The following PREX1 variants were observed in gnomAD, a reference collection of about 807,000 sequenced individuals.
The protein encoded by PREX1 is phosphatidylinositol-3,4,5-trisphosphate dependent Rac exchange factor 1, also known as phosphatidylinositol 3,4,5-trisphosphate-dependent Rac exchanger 1 protein.
Under a neutral mutation model 198.3 loss-of-function variants are expected in PREX1, and 41 were observed. That is an observed-to-expected ratio of 0.21 (90% CI 0.16 to 0.27). PREX1 has a LOEUF of 0.27. Among genes scored for constraint, PREX1 ranks in the 10% least tolerant of loss-of-function variants. The probability of loss-of-function intolerance (pLI) is 1.00; values close to 1 mark genes in which losing one functional copy is unlikely to be tolerated. For synonymous variants in PREX1, 843 were observed against 887.2 expected, an observed-to-expected ratio of 0.95 and a Z score of 0.89; for missense variants, 1,620 against 2,200.7, an observed-to-expected ratio of 0.74 and a Z score of 5.28.
At chr20:48,752,375 A>T (rs1419557099) in intron 1 of PREX1, among the ~76,000 whole-genome samples, 1 of 152,204 alleles carries the variant, frequency 6.6e-6, no homozygotes, top group Non-Finnish European at 1.5e-5. Flanking sequence ...ACTCAACATC[A>T]TGTCTTCCAC....
chr20:48,722,668 C>T (rs867204628), intron 5 of PREX1, among the ~76,000 whole-genome samples: 3 of 152,172 alleles, frequency 2.0e-5, no homozygotes, highest in Non-Finnish European at 1.5e-5. Flanking sequence ...TCAGAGGCCC[C>T]GGAGATGAGG....
chr20:48,784,537 C>G (rs762534611), intron 1 of PREX1, among the ~76,000 whole-genome samples: 1 of 152,172 alleles, frequency 6.6e-6, no homozygotes, highest in Non-Finnish European at 1.5e-5. Flanking sequence ...GAGTTCTCAG[C>G]AGCAGGCCTC....
intron 3 of PREX1, among the ~76,000 whole-genome samples, chr20:48,737,798 T>C (rs1384972753): frequency 6.6e-6 from 1 of 152,130 alleles, no homozygotes; most frequent in African/African-American, 2.4e-5. Context: ...GCCCCTCCCA[T>C]TCTCCAAGAG....
intron 1 of PREX1, among the ~76,000 whole-genome samples, chr20:48,765,924 G>A (rs1396153868): frequency 1.3e-5 from 2 of 152,072 alleles, no homozygotes; most frequent in African/African-American, 2.4e-5. Context: ...CCTGAGCTCC[G>A]CCTCCTGTCA....
chr20:48,881,382 G>A, the PREX1 span, among the ~76,000 whole-genome samples: 2 of 151,882 alleles, frequency 1.3e-5, no homozygotes, highest in African/African-American at 4.8e-5. Context: ...TTGACAGGTG[G>A]TTTTTATCAT....
intron 4 of PREX1, among the ~76,000 whole-genome samples, chr20:48,731,852 G>A (rs185118840): frequency 6.6e-6 from 1 of 152,340 alleles, no homozygotes; most frequent in Admixed American, 6.5e-5. Flanking sequence ...CTTGAGATAG[G>A]AAGGAAAGAA....
intron 10 of PREX1, among the ~76,000 whole-genome samples, chr20:48,685,566 C>G (rs1019527192): frequency 6.6e-6 from 1 of 152,192 alleles, no homozygotes; most frequent in South Asian, 2.1e-4. Flanking sequence ...CAATGTCACA[C>G]AGCTAGAAAG....
At chr20:48,787,375 A>AG (rs1323098221) in intron 1 of PREX1, among the ~76,000 whole-genome samples, 2 of 147,474 alleles carry the variant, frequency 1.4e-5, no homozygotes. Context: ...TAAACAAACA[A>AG]AAAAAAAAAA....
At chr20:48,642,643 A>G in intron 27 of PREX1, 154 bp from the exon 28 acceptor site, 4 of 636,484 alleles carry the variant, frequency 6.3e-6, no homozygotes, top group Admixed American at 3.1e-5. Flanking sequence ...GCCACAGGGC[A>G]AATCACCTGA....
Position 48,723,862 on chromosome 20 carries a change from C to T in PREX1, c.621+2428G>A, listed in dbSNP as rs576158252. ...GAGTCCACCGTACACACAGGTCCAG[C>T]GACACCATGTGTTAAAATATGTCAC... On this transcript the variant is annotated intron_variant, in intron 5 of 39. Coordinates refer to ENST00000371941, the MANE Select transcript of PREX1 (RefSeq NM_020820.4). Among the ~76,000 whole-genome samples, 77 of 152,290 alleles carry T rather than the reference C, an allele frequency of 5.1e-4. 1 individual carries two copies. The highest frequency in any genetic ancestry group is 1.8e-3 in the African/African-American group (74 of 41,542).
chr20:48,882,915 C>A, the PREX1 span, among the ~76,000 whole-genome samples: 7 of 146,750 alleles, frequency 4.8e-5, no homozygotes, highest in African/African-American at 1.5e-4. Flanking sequence ...TTTGTCCATC[C>A]TTCAGTTGGG....
At chr20:48,692,511 C>T (rs1416249785) in intron 8 of PREX1, 161 bp downstream of exon 8, 2 of 568,080 alleles carry the variant, frequency 3.5e-6, no homozygotes, top group African/African-American at 3.7e-5. Context: ...GAATGCTAAC[C>T]ACCCAGATGT....
chr20:48,627,161 A>C (rs2089278815), intron 39 of PREX1, among the ~76,000 whole-genome samples: 1 of 141,810 alleles, frequency 7.1e-6, no homozygotes, highest in African/African-American at 2.7e-5. Context: ...ATTCCACCCC[A>C]GGTTAAAGCG....
At position 48,720,684 on chromosome 20, in the gene PREX1, C is replaced by A. The variant is rs140127663; in HGVS notation, c.621+5606G>T. Among the ~76,000 whole-genome samples the A allele has an allele frequency of 2.4e-4, 36 of 152,182 alleles. No individual in the cohort carries two copies. The East Asian group carries it at 6.0e-3, about 25-fold the overall frequency. The stretch of plus-strand genomic sequence containing the variant: ...GCTATGAGTAGTATACGTCCATGCT[C>A]CGGGAAACACGTCACTCCCAGTTGT... On this transcript the variant is annotated intron_variant, in intron 5 of 39. Coordinates refer to ENST00000371941, the MANE Select transcript of PREX1 (RefSeq NM_020820.4).
chr20:48,796,858 T>C (rs2090365289), intron 1 of PREX1, among the ~76,000 whole-genome samples: 2 of 151,836 alleles, frequency 1.3e-5, no homozygotes, highest in South Asian at 2.1e-4. Flanking sequence ...AAAGATCATA[T>C]ACTATATAAT....
chr20:48,874,427 T>A, the PREX1 span, among the ~76,000 whole-genome samples: 1 of 119,814 alleles, frequency 8.3e-6, no homozygotes, highest in African/African-American at 3.2e-5. Flanking sequence ...GTGTAGGGGG[T>A]GGGTGGTGTC....
chr20:48,761,944 G>C (rs2090182322), intron 1 of PREX1, among the ~76,000 whole-genome samples: 1 of 152,196 alleles, frequency 6.6e-6, no homozygotes, highest in Admixed American at 6.5e-5. Context: ...CAAGGCTGCA[G>C]GTGCTGTAGA....
intron 10 of PREX1, among the ~76,000 whole-genome samples, chr20:48,688,264 T>C (rs1382938899): frequency 6.6e-6 from 1 of 151,852 alleles, no homozygotes; most frequent in African/African-American, 2.4e-5. Context: ...TGTGAAACAA[T>C]GTCATGGGTC....
rs192924639 is a variant in PREX1 at position 48,659,264 on chromosome 20, G to A, written c.1881+655C>T. 7.3e-3 allele frequency among the ~76,000 whole-genome samples: 1,041 copies of A among 143,556 alleles called. 13 individuals are homozygous for A. Among genetic ancestry groups the A allele is most frequent in the Admixed American group, 0.029 (417 of 14,164 alleles). 94.2% of individuals were successfully genotyped at this position (143,556 alleles called of 152,430 possible). A position where few individuals can be genotyped will look rare whatever the true frequency, so the allele number is the denominator to read the frequency against. On this transcript the variant is annotated intron_variant, in intron 16 of 39. Coordinates refer to ENST00000371941, the MANE Select transcript of PREX1 (RefSeq NM_020820.4). ...AGGAAGGAAGGAAGGAAGGAAGGAC[G>A]GGCACGAGAGAGAGAGAGAAAGAAG...
Sources: allele counts gnomAD v4.1 joint callset (sites outside exome capture counted in the v4.1 genomes callset), GRCh38; gene constraint gnomAD v4.1.1; transcripts MANE v1.5; gene names NCBI Gene and HGNC (gene_info 2026-07-23, HGNC 2026-07-21).